The following INPP5A variants were observed in gnomAD, a reference collection of about 807,000 sequenced individuals.
The protein encoded by INPP5A is inositol polyphosphate-5-phosphatase A.
A neutral mutation model predicts 65.2 loss-of-function variants in INPP5A; 14 were observed. That is an observed-to-expected ratio of 0.21 (90% CI 0.14 to 0.34). INPP5A has a LOEUF of 0.34. Ranked by LOEUF, INPP5A falls within the 10% of genes least tolerant of loss-of-function variation. The pLI is 1.00. For synonymous variants in INPP5A, 207 were observed against 208.3 expected, an observed-to-expected ratio of 0.99 and a Z score of 0.05; for missense variants, 431 against 545.6, an observed-to-expected ratio of 0.79 and a Z score of 2.09.
chr10:132,717,944 C>G (rs896221629), intron 8 of INPP5A, among the ~76,000 whole-genome samples: 3 of 135,748 alleles, frequency 2.2e-5, no homozygotes, highest in Admixed American at 7.4e-5. Flanking sequence ...AGACGGCTGT[C>G]TTGCGGGTTC....
chr10:132,684,998 G>C (rs757346194), intron 4 of INPP5A, among the ~76,000 whole-genome samples: 24 of 152,182 alleles, frequency 1.6e-4, no homozygotes, highest in Non-Finnish European at 2.8e-4. Flanking sequence ...TTGCAGACTT[G>C]AAGATTAGTT....
chr10:132,649,583 A>G (rs2072545094), intron 3 of INPP5A, among the ~76,000 whole-genome samples: 1 of 152,000 alleles, frequency 6.6e-6, no homozygotes, highest in Admixed American at 6.5e-5. Context: ...GCCCTTCTCT[A>G]CTGGTGCAGT....
chr10:132,739,174 A>T (rs117102637), intron 9 of INPP5A, among the ~76,000 whole-genome samples: 4 of 151,880 alleles, frequency 2.6e-5, no homozygotes, highest in African/African-American at 9.7e-5. Context: ...TTCGGTGCCC[A>T]CTCTGGTCCT....
At chr10:132,620,051 G>T (rs1221609169) in intron 2 of INPP5A, among the ~76,000 whole-genome samples, 1 of 152,182 alleles carries the variant, frequency 6.6e-6, no homozygotes, top group East Asian at 1.9e-4. Flanking sequence ...GCTGAGGCTG[G>T]AGCTGGAACA....
intron 11 of INPP5A, among the ~76,000 whole-genome samples, chr10:132,752,685 GCGGCATGGAGGGGGT>G: frequency 7.9e-6 from 1 of 126,996 alleles, no homozygotes; most frequent in Non-Finnish European, 1.7e-5. Flanking sequence ...TGGAGGGGGT[GCGGCATGGAGGGGGT>G]GCGGCGTGGA....
chr10:132,681,944 C>T lies in INPP5A; in HGVS notation c.307-8448C>T, dbSNP rs186177183. On this transcript the variant is annotated intron_variant, in intron 4 of 15. Coordinates refer to ENST00000368594, the MANE Select transcript of INPP5A (RefSeq NM_005539.5). Reference sequence around the variant, plus strand: ...CCAAGTCAAGCCTGTCACAGAAACACGAACATGGTATGATTCCACTTACAT... The same window carrying T: ...CCAAGTCAAGCCTGTCACAGAAACATGAACATGGTATGATTCCACTTACAT... Among the ~76,000 whole-genome samples, 23 of 152,316 alleles carry T rather than the reference C, an allele frequency of 1.5e-4. No homozygotes were observed. In the East Asian group the frequency reaches 1.9e-3, roughly 13 times the overall value.
At chr10:132,755,812 G>A (rs3793685) in intron 11 of INPP5A, among the ~76,000 whole-genome samples, 24,747 of 152,118 alleles carry the variant, frequency 0.16, 2,436 homozygotes, top group Non-Finnish European at 0.22. Flanking sequence ...CCAGGGGCCT[G>A]ACACGGCTCT....
At chr10:132,726,736 G>T (rs1845991928) in intron 8 of INPP5A, 85 bp from the exon 9 acceptor site, 1 of 901,676 alleles carries the variant, frequency 1.1e-6, no homozygotes, top group South Asian at 1.5e-5. Flanking sequence ...GTGTGCGGAT[G>T]GGGAGCGTGG....
At position 132,698,908 on chromosome 10, in the gene INPP5A, G is replaced by A. The variant is rs796245055; in HGVS notation, c.474+989G>A. ...TTGCTTTATGGCCCGCACCTTGAGT[G>A]AGGGACTGTGGCCGCCCGTGAAGGA... On this transcript the variant is annotated intron_variant, in intron 6 of 15. Coordinates refer to ENST00000368594, the MANE Select transcript of INPP5A (RefSeq NM_005539.5). The surrounding 1 kb of genome is among the most constrained non-coding windows in gnomAD (Gnocchi z 5.5). 3.3e-5 allele frequency among the ~76,000 whole-genome samples: 5 copies of A among 152,348 alleles called. No homozygotes were observed. Among genetic ancestry groups the A allele is most frequent in the African/African-American group, 1.2e-4 (5 of 41,584 alleles).
chr10:132,666,881 C>T (rs1288538509), intron 4 of INPP5A, among the ~76,000 whole-genome samples: 2 of 152,132 alleles, frequency 1.3e-5, no homozygotes, highest in East Asian at 1.9e-4. Context: ...ATTGAGAGCT[C>T]GTTGGAGATA....
chr10:132,600,015 G>A (rs2071755953), intron 1 of INPP5A, among the ~76,000 whole-genome samples: 1 of 152,198 alleles, frequency 6.6e-6, no homozygotes, highest in Non-Finnish European at 1.5e-5. Flanking sequence ...GGCCTGTGGT[G>A]GGAGGTGTTG....
Position 132,697,733 on chromosome 10 carries a change from C to A in INPP5A, c.371-83C>A. The A allele has an allele frequency of 1.1e-6, 1 of 944,754 alleles. No homozygotes were observed. Among genetic ancestry groups the A allele is most frequent in the South Asian group, 1.4e-5 (1 of 71,182 alleles). The allele number at this position is 944,754 out of a possible 1,614,324, so 58.5% of individuals were successfully genotyped here. On this transcript the variant is annotated intron_variant, in intron 5 of 15. Coordinates refer to ENST00000368594, the MANE Select transcript of INPP5A (RefSeq NM_005539.5). This position sits in a 1 kb window ranked among gnomAD's most constrained non-coding sequence, Gnocchi z 5.6. ...TCTCTGGCTCCCATCGGGCTGAAGT[C>A]GGGTGGAAACAGGTTGTGCTCCAGG...
chr10:132,626,019 C>T (rs967880318), intron 2 of INPP5A, among the ~76,000 whole-genome samples: 7 of 152,210 alleles, frequency 4.6e-5, no homozygotes, highest in Admixed American at 2.6e-4. Context: ...GGGGAATTTC[C>T]ATCTTCCTCT....
At chr10:132,642,192 G>A (rs2072434919) in intron 2 of INPP5A, among the ~76,000 whole-genome samples, 1 of 152,192 alleles carries the variant, frequency 6.6e-6, no homozygotes, top group Non-Finnish European at 1.5e-5. Context: ...ACAGCCTGGA[G>A]CCCATCTGCA....
chr10:132,621,743 A>G (rs919304173), intron 2 of INPP5A, among the ~76,000 whole-genome samples: 1 of 150,900 alleles, frequency 6.6e-6, no homozygotes, highest in African/African-American at 2.4e-5. Context: ...TCCTTTGTCC[A>G]TAAGGAATTA....
At chr10:132,641,450 T>C (rs1590887844) in intron 2 of INPP5A, among the ~76,000 whole-genome samples, 2 of 152,352 alleles carry the variant, frequency 1.3e-5, no homozygotes, top group South Asian at 4.1e-4. Flanking sequence ...GCTATCCGGA[T>C]AGATCTAACC....
chr10:132,777,832 G>C, intron 13 of INPP5A, 50 bp downstream of exon 13: 1 of 1,591,606 alleles, frequency 6.3e-7, no homozygotes, highest in South Asian at 1.1e-5. Flanking sequence ...TGGAGCGCTG[G>C]GTCTGGTCTG....
In INPP5A at chr10:132,706,070, CT is replaced by C. The variant is rs1845533790; in HGVS notation, c.475-2242del. 6.6e-6 allele frequency among the ~76,000 whole-genome samples: 1 copy of C among 152,152 alleles called. No individual in the cohort carries two copies. The highest frequency in any genetic ancestry group is 1.9e-4 in the East Asian group (1 of 5,204). On this transcript the variant is annotated intron_variant, in intron 6 of 15. Coordinates refer to ENST00000368594, the MANE Select transcript of INPP5A (RefSeq NM_005539.5). The surrounding 1 kb of genome is among the most constrained non-coding windows in gnomAD (Gnocchi z 4.7). ...AAGAAAAGGGAATATGAAGAGGAGC[CT>C]GTAGAAACATTAAACATTCTGCATT...
In INPP5A at chr10:132,685,739, C is replaced by G. The variant is rs2073107191; in HGVS notation, c.307-4653C>G. Among the ~76,000 whole-genome samples the G allele has an allele frequency of 5.3e-5, 8 of 152,206 alleles. No individual in the cohort carries two copies. The South Asian group carries it at 1.5e-3, about 28-fold the overall frequency. The stretch of plus-strand genomic sequence containing the variant: ...TGGGACCCTGCTCAACAAACACGGG[C>G]TTTGTGATTGCACAGTGCCTGCCGG... On this transcript the variant is annotated intron_variant, in intron 4 of 15. Coordinates refer to ENST00000368594, the MANE Select transcript of INPP5A (RefSeq NM_005539.5).
Sources: allele counts gnomAD v4.1 joint callset (sites outside exome capture counted in the v4.1 genomes callset), GRCh38; gene constraint gnomAD v4.1.1; non-coding constraint Gnocchi (gnomAD v3.1); transcripts MANE v1.5; gene names NCBI Gene and HGNC (gene_info 2026-07-23, HGNC 2026-07-21).